The following SRPK2 variants were observed in gnomAD, a reference collection of about 807,000 sequenced individuals.
SRPK2 encodes the protein SRSF protein kinase 2, also known as SFRS protein kinase 2.
In SRPK2, 21 loss-of-function variants were observed where a neutral mutation model predicts 90.8. The observed-to-expected ratio is 0.23, with a 90% CI of 0.16 to 0.33. The LOEUF (loss-of-function observed/expected upper bound fraction) is 0.33. Among genes scored for constraint, SRPK2 ranks in the 10% least tolerant of loss-of-function variants. SRPK2 has a pLI of 1.00. For missense variants in SRPK2, 620 were observed against 869.0 expected (o/e 0.71, Z 3.60); for synonymous variants, 288 against 311.1 (o/e 0.93, Z 0.78).
At chr7:105,276,715 G>A (rs913403747) in intron 2 of SRPK2, among the ~76,000 whole-genome samples, 1 of 152,148 alleles carries the variant, frequency 6.6e-6, no homozygotes, top group African/African-American at 2.4e-5. Context: ...TCCACTCTGG[G>A]CAACAGAGCA....
At chr7:105,188,541 T>C (rs938207892) in intron 3 of SRPK2, among the ~76,000 whole-genome samples, 2 of 152,224 alleles carry the variant, frequency 1.3e-5, no homozygotes, top group Non-Finnish European at 1.5e-5. Flanking sequence ...TGTTTTCAAT[T>C]ACTGCTTCCT....
At chr7:105,179,230 T>A (rs540681050) in intron 3 of SRPK2, among the ~76,000 whole-genome samples, 1 of 152,204 alleles carries the variant, frequency 6.6e-6, no homozygotes, top group Admixed American at 6.5e-5. Context: ...AATATCAGCA[T>A]TGGCATTTAC....
At position 105,331,337 on chromosome 7, in the gene SRPK2, A is replaced by AAAAAAAC. The variant is rs1554512429; in HGVS notation, c.71+57310_71+57311insGTTTTTT. ...AAAAAAAAAAAAAAAAAAAAAAAAA[A>AAAAAAAC]CAAATAGTTATTACACAATTAATCT... On this transcript the variant is annotated intron_variant, in intron 2 of 15. Transcript: ENST00000393651. 2.5e-3 allele frequency among the ~76,000 whole-genome samples: 355 copies of AAAAAAAC among 141,898 alleles called. 3 individuals carry two copies. The highest frequency in any genetic ancestry group is 4.3e-3 in the Non-Finnish European group (282 of 65,360). 93.1% of individuals were successfully genotyped at this position (141,898 alleles called of 152,430 possible). A position where few individuals can be genotyped will look rare whatever the true frequency, so the allele number is the denominator to read the frequency against.
chr7:105,302,821 G>A (rs905376323), intron 2 of SRPK2, among the ~76,000 whole-genome samples: 1 of 151,934 alleles, frequency 6.6e-6, no homozygotes, highest in Non-Finnish European at 1.5e-5. Context: ...CATTTCTCTT[G>A]CATATACCAG....
At chr7:105,331,222 T>C (rs577310314) in intron 2 of SRPK2, among the ~76,000 whole-genome samples, 11 of 139,870 alleles carry the variant, frequency 7.9e-5, no homozygotes, top group African/African-American at 3.0e-4. Flanking sequence ...GGCAGGAGAA[T>C]CACTTGAACC....
At chr7:105,246,680 ACTT>A (rs1293747784) in intron 2 of SRPK2, among the ~76,000 whole-genome samples, 1 of 152,244 alleles carries the variant, frequency 6.6e-6, no homozygotes, top group African/African-American at 2.4e-5. Flanking sequence ...ACTTCTATCT[ACTT>A]CTTCACTAAT....
Position 105,116,712 on chromosome 7 carries a change from A to AT in SRPK2, c.*1125dup, listed in dbSNP as rs1799662460. On this transcript the variant is annotated 3_prime_UTR_variant, in exon 16 of 16. Coordinates refer to ENST00000393651, the MANE Select transcript of SRPK2 (RefSeq NM_182692.3). ...ACTGTGTGCAACCTGCAAAGGGAAA[A>AT]TCATTTTCTCAACTTCGTTTCATGG... The AT allele has an allele frequency of 6.5e-6, 1 of 152,754 alleles. No individual in the cohort carries two copies. The highest frequency in any genetic ancestry group is 2.4e-5 in the African/African-American group (1 of 41,580). The allele number at this position is 152,754 out of a possible 1,614,324, so 9.5% of individuals were successfully genotyped here.
chr7:105,259,617 A>G (rs979721602), intron 2 of SRPK2, among the ~76,000 whole-genome samples: 2 of 152,298 alleles, frequency 1.3e-5, no homozygotes, highest in South Asian at 2.1e-4. Context: ...GAGGCATCAC[A>G]CTACCTGACT....
At chr7:105,384,219 G>C (rs989770165) in intron 2 of SRPK2, among the ~76,000 whole-genome samples, 2 of 152,176 alleles carry the variant, frequency 1.3e-5, no homozygotes, top group Non-Finnish European at 2.9e-5. Flanking sequence ...CAAGCTATGT[G>C]ATGTAGCTAA....
At chr7:105,396,820 AAGAGAGAGAGAG>A (rs141143136) in intron 1 of SRPK2, among the ~76,000 whole-genome samples, 4 of 120,190 alleles carry the variant, frequency 3.3e-5, no homozygotes, top group African/African-American at 1.3e-4. Context: ...GAAAGAGAGA[AAGAGAGAGAGAG>A]AGAGAAAGAA....
chr7:105,157,775 T>C (rs1183651558), intron 7 of SRPK2, among the ~76,000 whole-genome samples: 3 of 152,186 alleles, frequency 2.0e-5, no homozygotes, highest in African/African-American at 7.2e-5. Context: ...TGAATTACAG[T>C]GAGGATAACA....
intron 2 of SRPK2, among the ~76,000 whole-genome samples, chr7:105,262,142 C>A (rs1351736259): frequency 6.6e-6 from 1 of 152,136 alleles, no homozygotes; most frequent in African/African-American, 2.4e-5. Flanking sequence ...AGAGAAGCAT[C>A]AGTAAACAGA....
chr7:105,350,780 A>G (rs756974230), intron 2 of SRPK2, among the ~76,000 whole-genome samples: 5 of 151,964 alleles, frequency 3.3e-5, no homozygotes, highest in Non-Finnish European at 7.4e-5. Context: ...CCAAAGTGCT[A>G]TAGTTGCTAT....
intron 4 of SRPK2, among the ~76,000 whole-genome samples, chr7:105,168,745 A>ATGTGTGTGTGTGTGTGTGTGTGTG (rs58073613): frequency 0.033 from 3,446 of 103,998 alleles, 268 homozygotes; most frequent in Non-Finnish European, 0.052. Context: ...CACGCACCAA[A>ATGTGTGTGTGTGTGTGTGTGTGTG]TGTGTGTGTG....
chr7:105,283,526 T>C (rs1563189997), intron 2 of SRPK2, among the ~76,000 whole-genome samples: 1 of 152,046 alleles, frequency 6.6e-6, no homozygotes, highest in Non-Finnish European at 1.5e-5. Context: ...ACATAACAAA[T>C]ATTATATGAT....
intron 7 of SRPK2, among the ~76,000 whole-genome samples, chr7:105,148,566 C>T (rs1266600610): frequency 6.6e-6 from 1 of 152,128 alleles, no homozygotes; most frequent in Non-Finnish European, 1.5e-5. Context: ...ACATCAATGA[C>T]CATTCAAACA....
At chr7:105,182,059 A>T (rs62488069) in intron 3 of SRPK2, among the ~76,000 whole-genome samples, 123,029 of 150,758 alleles carry the variant, frequency 0.82, 50,873 homozygotes, top group Non-Finnish European at 0.87. Context: ...TGAAACCCCA[A>T]CTCTACTAAA....
At chr7:105,359,342 T>C (rs1818170548) in intron 2 of SRPK2, among the ~76,000 whole-genome samples, 1 of 151,684 alleles carries the variant, frequency 6.6e-6, no homozygotes. Flanking sequence ...TTATTTTTAG[T>C]AGAGATGGGG....
At chr7:105,321,989 A>G (rs1023185788) in intron 2 of SRPK2, among the ~76,000 whole-genome samples, 2 of 152,250 alleles carry the variant, frequency 1.3e-5, no homozygotes, top group African/African-American at 4.8e-5. Flanking sequence ...AATAATATGT[A>G]CACCCATGAT....
Sources: allele counts gnomAD v4.1 joint callset (sites outside exome capture counted in the v4.1 genomes callset), GRCh38; gene constraint gnomAD v4.1.1; transcripts MANE v1.5; gene names NCBI Gene and HGNC (gene_info 2026-07-23, HGNC 2026-07-21).